The following STARD13 variants were observed in gnomAD, a reference collection of about 807,000 sequenced individuals.
STARD13 encodes the protein StAR related lipid transfer domain containing 13.
A neutral mutation model predicts 106.4 loss-of-function variants in STARD13; 62 were observed. That is an observed-to-expected ratio of 0.58 (90% CI 0.48 to 0.72). STARD13 has a LOEUF of 0.72. Among genes scored for constraint, STARD13 ranks in the 30% least tolerant of loss-of-function variants. The pLI is 0.00. For synonymous variants in STARD13, 565 were observed against 553.0 expected, an observed-to-expected ratio of 1.02 and a Z score of -0.31; for missense variants, 1,387 against 1,424.0, an observed-to-expected ratio of 0.97 and a Z score of 0.42.
intron 1 of STARD13, among the ~76,000 whole-genome samples, chr13:33,177,683 C>G (rs936336533): frequency 1.5e-5 from 2 of 131,462 alleles, no homozygotes; most frequent in African/African-American, 5.7e-5. Flanking sequence ...AAAATATAAG[C>G]AAAAAGAAAA....
chr13:33,337,276 T>A (rs1031621562), intron 1 of STARD13, among the ~76,000 whole-genome samples: 1 of 152,176 alleles, frequency 6.6e-6, no homozygotes, highest in African/African-American at 2.4e-5. Flanking sequence ...AGAAATAGCT[T>A]TAATGGTTTT....
chr13:33,505,977 C>T, the STARD13 span, among the ~76,000 whole-genome samples: 1 of 151,996 alleles, frequency 6.6e-6, no homozygotes, highest in Non-Finnish European at 1.5e-5. Flanking sequence ...ACTAATGGTA[C>T]AAAAACAAGG....
the STARD13 span, among the ~76,000 whole-genome samples, chr13:33,390,133 A>T: frequency 6.6e-6 from 1 of 152,122 alleles, no homozygotes; most frequent in South Asian, 2.1e-4. Flanking sequence ...CACCCAGAAA[A>T]TTCAATTAAA....
At position 33,154,780 on chromosome 13, in the gene STARD13, T is replaced by C. The variant is rs1044841216; in HGVS notation, c.323+10557A>G. 4.6e-5 allele frequency among the ~76,000 whole-genome samples: 7 copies of C among 152,198 alleles called. 1 individual carries two copies. The South Asian group carries it at 6.2e-4, about 14-fold the overall frequency. Reference sequence around the variant, plus strand: ...AATTGCATCAGATCCAGATAATTTTTCTAGTGAGAACTGGTCCAGCTTCAA... The same window carrying C: ...AATTGCATCAGATCCAGATAATTTTCCTAGTGAGAACTGGTCCAGCTTCAA... On this transcript the variant is annotated intron_variant, in intron 3 of 13. Coordinates refer to ENST00000336934, the MANE Select transcript of STARD13 (RefSeq NM_178006.4).
At chr13:33,215,251 G>T (rs1887975050) in intron 1 of STARD13, among the ~76,000 whole-genome samples, 1 of 152,044 alleles carries the variant, frequency 6.6e-6, no homozygotes, top group Non-Finnish European at 1.5e-5. Context: ...TTTCTGCCTT[G>T]TTGGAGTCAT....
intron 1 of STARD13, among the ~76,000 whole-genome samples, chr13:33,233,628 C>G (rs1889036853): frequency 6.6e-6 from 1 of 152,242 alleles, no homozygotes; most frequent in African/African-American, 2.4e-5. Context: ...TGCAGGTACT[C>G]AGAAAGGCTG....
intron 5 of STARD13, 39 bp from the exon 6 acceptor site, chr13:33,127,585 T>C (rs1390517533): frequency 1.3e-6 from 2 of 1,503,366 alleles, no homozygotes; most frequent in Admixed American, 4.8e-5. Context: ...AGTCACAAAG[T>C]GGACTTGGTA....
the STARD13 span, among the ~76,000 whole-genome samples, chr13:33,479,001 T>C: frequency 6.6e-6 from 1 of 151,918 alleles, no homozygotes; most frequent in Non-Finnish European, 1.5e-5. Flanking sequence ...AAAATTAATA[T>C]CCTAATATAT....
At chr13:33,531,739 C>T in the STARD13 span, among the ~76,000 whole-genome samples, 1 of 152,166 alleles carries the variant, frequency 6.6e-6, no homozygotes, top group South Asian at 2.1e-4. Context: ...ATATCCAATA[C>T]TTCCAGTTTG....
intron 1 of STARD13, chr13:33,185,979 G>A: frequency 1.2e-6 from 2 of 1,614,214 alleles, no homozygotes; most frequent in South Asian, 1.1e-5. Context: ...CCACAAAGGG[G>A]CCTGGTTAAC....
chr13:33,182,875 C>T (rs1885379915), intron 1 of STARD13, among the ~76,000 whole-genome samples: 1 of 152,172 alleles, frequency 6.6e-6, no homozygotes, highest in Non-Finnish European at 1.5e-5. Context: ...AAGTACCAGC[C>T]CATCACCACG....
the STARD13 span, among the ~76,000 whole-genome samples, chr13:33,515,001 G>A: frequency 6.6e-6 from 1 of 152,114 alleles, no homozygotes; most frequent in Non-Finnish European, 1.5e-5. Context: ...TCCAGGTTAT[G>A]TGGCCTGGAA....
chr13:33,373,381 A>G, the STARD13 span, among the ~76,000 whole-genome samples: 4 of 152,226 alleles, frequency 2.6e-5, no homozygotes, highest in Non-Finnish European at 2.9e-5. Context: ...ACAGTGATAA[A>G]TCATTAACTA....
intron 1 of STARD13, among the ~76,000 whole-genome samples, chr13:33,177,970 AAGG>A (rs566602384): frequency 9.6e-5 from 1 of 10,450 alleles, no homozygotes; most frequent in African/African-American, 6.7e-4. Flanking sequence ...GGAAGGAAGG[AAGG>A]AAGGAAGGAA....
At chr13:33,580,012 C>T in the STARD13 span, among the ~76,000 whole-genome samples, 1 of 152,094 alleles carries the variant, frequency 6.6e-6, no homozygotes, top group African/African-American at 2.4e-5. Context: ...CAATTTCTCA[C>T]ATAACTAAAC....
chr13:33,500,843 A>G, the STARD13 span, among the ~76,000 whole-genome samples: 1 of 152,106 alleles, frequency 6.6e-6, no homozygotes, highest in African/African-American at 2.4e-5. Flanking sequence ...CTAACTCCTC[A>G]TGATATGGGG....
the STARD13 span, among the ~76,000 whole-genome samples, chr13:33,541,695 T>A: frequency 1.4e-5 from 2 of 142,188 alleles, no homozygotes; most frequent in Non-Finnish European, 2.9e-5. Flanking sequence ...GGCCCTGGAC[T>A]GCAAAGAGCT....
the STARD13 span, among the ~76,000 whole-genome samples, chr13:33,675,277 G>A: frequency 6.6e-6 from 1 of 152,182 alleles, no homozygotes; most frequent in Admixed American, 6.5e-5. Flanking sequence ...TAGAGTGAAT[G>A]AGCACCTACC....
the STARD13 span, among the ~76,000 whole-genome samples, chr13:33,438,158 G>C: frequency 6.6e-6 from 1 of 152,108 alleles, no homozygotes; most frequent in East Asian, 1.9e-4. Context: ...GCTATAATAA[G>C]TTGGATATAC....
Sources: allele counts gnomAD v4.1 joint callset (sites outside exome capture counted in the v4.1 genomes callset), GRCh38; gene constraint gnomAD v4.1.1; transcripts MANE v1.5; gene names NCBI Gene and HGNC (gene_info 2026-07-23, HGNC 2026-07-21).